Variants in DLGAP1 observed in about 807,000 individuals in gnomAD.
The protein encoded by DLGAP1 is DLG associated protein 1.
Under a neutral mutation model 90.8 loss-of-function variants are expected in DLGAP1, and 11 were observed. That is an observed-to-expected ratio of 0.12 (90% CI 0.08 to 0.20). The LOEUF is 0.20. Ranked by LOEUF, DLGAP1 falls within the 10% of genes least tolerant of loss-of-function variation. The pLI is 1.00. For synonymous variants in DLGAP1, 558 were observed against 540.7 expected, an observed-to-expected ratio of 1.03 and a Z score of -0.44; for missense variants, 1,050 against 1,333.8, an observed-to-expected ratio of 0.79 and a Z score of 3.31.
intron 1 of DLGAP1, among the ~76,000 whole-genome samples, chr18:4,436,630 T>A (rs1325824219): frequency 6.6e-6 from 1 of 151,976 alleles, no homozygotes; most frequent in Non-Finnish European, 1.5e-5. Context: ...AGATCTACAC[T>A]TTTTTAAAGT....
intron 5 of DLGAP1, among the ~76,000 whole-genome samples, chr18:3,779,841 G>A (rs1365930069): frequency 1.3e-5 from 2 of 150,800 alleles, no homozygotes; most frequent in East Asian, 1.9e-4. Context: ...TCAGGCTGGA[G>A]TGCAGTGGTG....
chr18:3,850,600 T>C (rs1487546068), intron 4 of DLGAP1, among the ~76,000 whole-genome samples: 2 of 152,154 alleles, frequency 1.3e-5, no homozygotes, highest in African/African-American at 4.8e-5. Context: ...TTAAAGATTG[T>C]TAAAAGAAAC....
chr18:4,415,952 C>G (rs1470866987), intron 1 of DLGAP1, among the ~76,000 whole-genome samples: 1 of 152,158 alleles, frequency 6.6e-6, no homozygotes, highest in East Asian at 1.9e-4. Flanking sequence ...TCCTCTTTCT[C>G]TCTCTCCCTC....
At chr18:4,178,687 A>G (rs2077159113) in intron 1 of DLGAP1, among the ~76,000 whole-genome samples, 1 of 152,200 alleles carries the variant, frequency 6.6e-6, no homozygotes, top group Non-Finnish European at 1.5e-5. Context: ...CATGCTTTTT[A>G]TAGTCATATT....
intron 4 of DLGAP1, among the ~76,000 whole-genome samples, chr18:3,872,542 G>A (rs1018366517): frequency 6.6e-6 from 1 of 152,138 alleles, no homozygotes; most frequent in Admixed American, 6.6e-5. Context: ...CACTAAGACA[G>A]ATTGTTGTCT....
At chr18:3,897,985 G>A (rs368964629) in intron 3 of DLGAP1, among the ~76,000 whole-genome samples, 3,352 of 151,676 alleles carry the variant, frequency 0.022, 72 homozygotes, top group African/African-American at 0.056. Context: ...TAGTAGAGAC[G>A]GGGTTTCACC....
intron 3 of DLGAP1, chr18:3,995,385 G>A (rs1326162899): frequency 6.6e-6 from 1 of 152,110 alleles, no homozygotes; most frequent in African/African-American, 2.4e-5. Flanking sequence ...CTTGGGGTTA[G>A]TATTTATGAA....
intron 5 of DLGAP1, among the ~76,000 whole-genome samples, chr18:3,754,423 T>A (rs1426041281): frequency 6.9e-6 from 1 of 144,332 alleles, no homozygotes; most frequent in Non-Finnish European, 1.5e-5. Flanking sequence ...TGTATTGAAA[T>A]TTTTTTTTTG....
chr18:4,114,551 G>A (rs1238066097), intron 2 of DLGAP1, among the ~76,000 whole-genome samples: 4 of 152,098 alleles, frequency 2.6e-5, no homozygotes. Context: ...CTTATCGTCA[G>A]TGAAGAGAGA....
chr18:3,833,182 C>T (rs1442421859), intron 4 of DLGAP1, among the ~76,000 whole-genome samples: 3 of 25,974 alleles, frequency 1.2e-4, no homozygotes, highest in African/African-American at 2.4e-4. Context: ...TCCTTCCTTC[C>T]TTCCTTCCTT....
chr18:4,142,342 A>G (rs2076508223), intron 2 of DLGAP1, among the ~76,000 whole-genome samples: 1 of 152,196 alleles, frequency 6.6e-6, no homozygotes, highest in Admixed American at 6.5e-5. Context: ...ATGAAGAAAT[A>G]ACTCTTCTAT....
intron 7 of DLGAP1, among the ~76,000 whole-genome samples, chr18:3,599,868 C>A (rs530544647): frequency 1.3e-5 from 2 of 151,686 alleles, no homozygotes; most frequent in African/African-American, 2.4e-5. Flanking sequence ...CCGCCCACCT[C>A]GGCCTCCCAA....
intron 1 of DLGAP1, among the ~76,000 whole-genome samples, chr18:4,255,279 A>G (rs2145220528): frequency 6.6e-6 from 1 of 152,302 alleles, no homozygotes; most frequent in South Asian, 2.1e-4. Context: ...ACTCATTTTC[A>G]TTAGTCCTAA....
chr18:4,355,717 A>G (rs929295811), intron 1 of DLGAP1, among the ~76,000 whole-genome samples: 14 of 148,420 alleles, frequency 9.4e-5, no homozygotes, highest in Admixed American at 1.4e-4. Flanking sequence ...AAACTGGGTT[A>G]AAGTTACATG....
chr18:4,171,486 AC>A (rs2077024277), intron 1 of DLGAP1, among the ~76,000 whole-genome samples: 1 of 151,692 alleles, frequency 6.6e-6, no homozygotes, highest in South Asian at 2.1e-4. Context: ...AATGGCGTGA[AC>A]TCGGAAGGCG....
At chr18:4,400,990 T>G (rs999523607) in intron 1 of DLGAP1, among the ~76,000 whole-genome samples, 1 of 152,228 alleles carries the variant, frequency 6.6e-6, no homozygotes, top group Admixed American at 6.5e-5. Flanking sequence ...AAGTCAACTC[T>G]TCTCTTCCTT....
At chr18:3,770,857 GT>G (rs542358215) in intron 5 of DLGAP1, 3 of 152,320 alleles carry the variant, frequency 2.0e-5, no homozygotes, top group Admixed American at 2.0e-4. Flanking sequence ...AGTACTGTTG[GT>G]GGTCAAAAGC....
intron 1 of DLGAP1, among the ~76,000 whole-genome samples, chr18:4,415,714 GCTAAGTTTTTTTACTCT>G (rs1490826846): frequency 2.6e-5 from 4 of 152,054 alleles, no homozygotes; most frequent in African/African-American, 9.7e-5. Context: ...TATGTCTTGG[GCTAAGTTTTTTTACTCT>G]CTGAACCTTA....
At chr18:3,673,848 T>C (rs2060189627) in intron 7 of DLGAP1, among the ~76,000 whole-genome samples, 1 of 145,676 alleles carries the variant, frequency 6.9e-6, no homozygotes, top group South Asian at 2.2e-4. Context: ...ACCCAGCCTT[T>C]TTTTTTTCTT....
Sources: allele counts gnomAD v4.1 joint callset (sites outside exome capture counted in the v4.1 genomes callset), GRCh38; gene constraint gnomAD v4.1.1; transcripts MANE v1.5; gene names NCBI Gene and HGNC (gene_info 2026-07-23, HGNC 2026-07-21).